The following KCNK2 variants were observed in gnomAD, a reference collection of about 807,000 sequenced individuals.
The protein encoded by KCNK2 is potassium two pore domain channel subfamily K member 2.
In KCNK2, 21 loss-of-function variants were observed where a neutral mutation model predicts 40.5. The ratio of observed to expected loss-of-function variants is 0.52; its 90% CI spans 0.37 to 0.75. The LOEUF (loss-of-function observed/expected upper bound fraction) is 0.75. KCNK2 is among the 30% of genes least tolerant of loss of function. KCNK2 has a pLI of 0.00. For synonymous variants in KCNK2, 191 were observed against 202.2 expected, an observed-to-expected ratio of 0.94 and a Z score of 0.47; for missense variants, 399 against 531.6, an observed-to-expected ratio of 0.75 and a Z score of 2.45.
chr1:215,083,228 T>TCCCCCCCC lies in KCNK2; in HGVS notation c.-157_-156insCCCCCCCC. 1 of 638,618 alleles carries TCCCCCCCC rather than the reference T, an allele frequency of 1.6e-6. No homozygotes were observed. The highest frequency in any genetic ancestry group is 2.1e-6 in the Non-Finnish European group (1 of 474,924). The allele number at this position is 638,618 out of a possible 1,614,324, so 39.6% of individuals were successfully genotyped here. On this transcript the variant is annotated 5_prime_UTR_variant, in exon 1 of 7. Transcript: ENST00000444842. ...CGCCCCCTCCCGCGTCCAGCCCCGC[T>TCCCCCCCC]CTCCCCACCTTGTAAAACAAAGCCG... is the stretch of plus-strand genomic sequence containing the variant.
chr1:215,109,780 T>A (rs1216709476), intron 2 of KCNK2, among the ~76,000 whole-genome samples: 1 of 152,118 alleles, frequency 6.6e-6, no homozygotes, highest in Admixed American at 6.6e-5. Flanking sequence ...TCTATTCAGC[T>A]TTTTGAGAAT....
At chr1:215,068,659 T>A (rs1023919538) in intron 1 of KCNK2, among the ~76,000 whole-genome samples, 2 of 152,202 alleles carry the variant, frequency 1.3e-5, no homozygotes, top group African/African-American at 4.8e-5. Context: ...AATAGAACAA[T>A]AAACATTTGA....
intron 6 of KCNK2, among the ~76,000 whole-genome samples, chr1:215,207,622 C>T (rs555821807): frequency 3.2e-4 from 48 of 152,226 alleles, no homozygotes; most frequent in African/African-American, 1.0e-3. Context: ...TAAACAAATA[C>T]GCTCACCAAA....
chr1:215,147,872 G>C (rs1172483622), intron 3 of KCNK2, among the ~76,000 whole-genome samples: 1 of 151,950 alleles, frequency 6.6e-6, no homozygotes, highest in African/African-American at 2.4e-5. Flanking sequence ...CACGAGATGT[G>C]ATTGTCATTT....
intron 6 of KCNK2, among the ~76,000 whole-genome samples, chr1:215,218,936 T>C (rs1000696302): frequency 6.6e-5 from 10 of 152,246 alleles, no homozygotes; most frequent in African/African-American, 2.4e-4. Flanking sequence ...TCATACTTAT[T>C]GATCATACAA....
intron 1 of KCNK2, among the ~76,000 whole-genome samples, chr1:215,053,614 G>T (rs556181935): frequency 6.6e-6 from 1 of 152,154 alleles, no homozygotes; most frequent in Non-Finnish European, 1.5e-5. Flanking sequence ...GGAAATTCTA[G>T]CAAATGAAAA....
chr1:215,056,604 T>A (rs995141706), intron 1 of KCNK2, among the ~76,000 whole-genome samples: 7 of 143,114 alleles, frequency 4.9e-5, no homozygotes, highest in Admixed American at 1.5e-4. Flanking sequence ...TTGTAAAGGA[T>A]TGTGTCCACT....
intron 1 of KCNK2, among the ~76,000 whole-genome samples, chr1:215,061,426 C>G (rs1012259109): frequency 1.3e-5 from 2 of 151,926 alleles, no homozygotes; most frequent in Non-Finnish European, 2.9e-5. Context: ...CAATGTTCCT[C>G]TTAAAGGGAC....
chr1:215,090,684 T>A (rs1190594932), intron 2 of KCNK2, among the ~76,000 whole-genome samples: 2 of 152,208 alleles, frequency 1.3e-5, no homozygotes, highest in Non-Finnish European at 2.9e-5. Context: ...AAATCTATGA[T>A]CTATATATTG....
intron 1 of KCNK2, among the ~76,000 whole-genome samples, chr1:215,070,918 T>A (rs960912801): frequency 6.6e-6 from 1 of 152,194 alleles, no homozygotes; most frequent in Non-Finnish European, 1.5e-5. Context: ...CACAGAGGAA[T>A]ATACTCAGAA....
At chr1:215,082,381 T>C (rs1207936144), upstream of KCNK2, among the ~76,000 whole-genome samples, 2 of 152,116 alleles carry the variant, frequency 1.3e-5, no homozygotes, top group African/African-American at 4.8e-5. Flanking sequence ...GACGCCCTAG[T>C]GCAGGGGTCC....
At chr1:215,210,019 ATATATAT>A (rs1665660430) in intron 6 of KCNK2, among the ~76,000 whole-genome samples, 1 of 23,274 alleles carries the variant, frequency 4.3e-5, no homozygotes, top group South Asian at 2.1e-3. Flanking sequence ...ATAATATATA[ATATATAT>A]TATATATAAT....
At chr1:215,069,876 G>T (rs1396112979) in intron 1 of KCNK2, among the ~76,000 whole-genome samples, 1 of 152,182 alleles carries the variant, frequency 6.6e-6, no homozygotes, top group Non-Finnish European at 1.5e-5. Flanking sequence ...GTCCCTTGGT[G>T]TGAATTAAAA....
At chr1:215,109,432 G>A (rs934443042) in intron 2 of KCNK2, among the ~76,000 whole-genome samples, 3 of 151,758 alleles carry the variant, frequency 2.0e-5, no homozygotes, top group African/African-American at 2.4e-5. Flanking sequence ...TTCTTTTAGC[G>A]CTCATGTAAG....
intron 1 of KCNK2, among the ~76,000 whole-genome samples, chr1:215,024,963 TTTA>T (rs1284957221): frequency 0.035 from 1,554 of 44,838 alleles, 26 homozygotes; most frequent in African/African-American, 0.056. Context: ...TTTTTTTTTT[TTTA>T]ACTGAGATAA....
intron 1 of KCNK2, among the ~76,000 whole-genome samples, chr1:215,027,703 A>G (rs1207469078): frequency 6.6e-6 from 1 of 152,156 alleles, no homozygotes; most frequent in Admixed American, 6.5e-5. Context: ...TACTTAATTT[A>G]TGCTAGATTT....
intron 1 of KCNK2, among the ~76,000 whole-genome samples, chr1:215,069,542 G>T (rs1269135796): frequency 6.6e-6 from 1 of 152,142 alleles, no homozygotes; most frequent in Non-Finnish European, 1.5e-5. Flanking sequence ...ATGGTTCAGT[G>T]CTGACAGTGG....
rs536217592 is a variant in KCNK2 at position 215,136,481 on chromosome 1, T to A, written c.475+11731T>A. On this transcript the variant is annotated intron_variant, in intron 3 of 6. Transcript: ENST00000444842. ...AGATTAATATTAGTATAAACCTTTTTAAATGATTTTTTAAAATCTATGCTC... is the reference window on the plus strand; with the variant it reads ...AGATTAATATTAGTATAAACCTTTTAAAATGATTTTTTAAAATCTATGCTC... Among the ~76,000 whole-genome samples the A allele has an allele frequency of 2.6e-5, 4 of 152,356 alleles. No individual in the cohort carries two copies. The South Asian group carries it at 8.3e-4, about 32-fold the overall frequency.
At chr1:215,014,495 CAG>C (rs986781242) in intron 1 of KCNK2, among the ~76,000 whole-genome samples, 10 of 151,642 alleles carry the variant, frequency 6.6e-5, no homozygotes, top group African/African-American at 2.4e-4. Flanking sequence ...TTTAAATTAA[CAG>C]AGAGAAATTA....
Sources: gnomAD v4.1 joint callset for allele counts (sites outside exome capture counted in the v4.1 genomes callset) on GRCh38, gnomAD v4.1.1 for gene constraint, MANE v1.5 for transcripts, NCBI Gene and HGNC (gene_info 2026-07-23, HGNC 2026-07-21) for gene names.